Variants in LIPA observed in about 807,000 individuals in gnomAD.
LIPA encodes the protein lipase A, lysosomal acid type.
LIPA carries 26 observed loss-of-function variants against 40.6 expected under a neutral mutation model. That is an observed-to-expected ratio of 0.64 (90% confidence interval 0.47 to 0.89). The LOEUF is 0.89. LIPA is among the 40% of genes least tolerant of loss of function. The probability of loss-of-function intolerance (pLI) is 0.00; values close to 1 mark genes in which losing one functional copy is unlikely to be tolerated. For missense variants in LIPA, 455 were observed against 479.6 expected (o/e 0.95, Z 0.48); for synonymous variants, 188 against 168.4 (o/e 1.12, Z -0.90).
At chr10:89,344,666 G>A (rs566223446), upstream of LIPA, among the ~76,000 whole-genome samples, 2 of 150,886 alleles carry the variant, frequency 1.3e-5, no homozygotes, top group Non-Finnish European at 2.9e-5. Flanking sequence ...ATTCTGGCTT[G>A]GTAGTGCTCC....
rs1193662639 is a variant in LIPA at position 89,214,335 on chromosome 10, GATAAA to G, written c.*488_*492del. The G allele has an allele frequency of 6.5e-6, 1 of 154,200 alleles. No individual in the cohort carries two copies. The highest frequency in any genetic ancestry group is 2.4e-5 in the African/African-American group (1 of 41,432). 9.6% of individuals were successfully genotyped at this position (154,200 alleles called of 1,614,324 possible). On this transcript the variant is annotated 3_prime_UTR_variant, in exon 10 of 10. Transcript: ENST00000336233. ...CTATGCACCTGCTGCAGGAAAACAT[GATAAA>G]ATGTCATTTAGATCTCTAACTACAA...
chr10:89,338,560 G>A, intron 1 of LIPA: 1 of 1,105,838 alleles, frequency 9.0e-7, no homozygotes. Context: ...CAAATATCTG[G>A]GCATCCTGTG....
intron 2 of LIPA, among the ~76,000 whole-genome samples, chr10:89,361,647 T>C (rs1844022121): frequency 6.6e-6 from 1 of 152,142 alleles, no homozygotes; most frequent in South Asian, 2.1e-4. Context: ...TTTAATCCCT[T>C]TCAGCCAGTA....
At chr10:89,293,070 G>A (rs1291593780) in intron 1 of LIPA, among the ~76,000 whole-genome samples, 1 of 152,054 alleles carries the variant, frequency 6.6e-6, no homozygotes, top group Non-Finnish European at 1.5e-5. Context: ...ATGTGTCAAG[G>A]GCAGGACCTG....
At chr10:89,383,316 C>G in intron 2 of LIPA, 1 of 1,600,728 alleles carries the variant, frequency 6.2e-7, no homozygotes. Context: ...CCTATTTTTA[C>G]AGTGAAGAAT....
Position 89,383,767 on chromosome 10 carries a change from T to C in LIPA, c.61+29024A>G, listed in dbSNP as rs978068691. The C allele has an allele frequency of 3.1e-6, 5 of 1,614,000 alleles. No homozygotes were observed. In the South Asian group the frequency reaches 4.4e-5, roughly 14 times the overall value. ...TGAGGAAGGATGGGCCTTGGCGAAG[T>C]GTGGTGGAAAGAATTATGAACGGGC... On this transcript the variant is annotated intron_variant, in intron 2 of 8. Coordinates refer to the LIPA transcript ENST00000371837.
chr10:89,322,000 A>AT (rs1441958866), intron 1 of LIPA, among the ~76,000 whole-genome samples: 1 of 152,128 alleles, frequency 6.6e-6, no homozygotes, highest in African/African-American at 2.4e-5. Context: ...GTTCTCACTC[A>AT]TAAGTCGGAA....
chr10:89,378,625 C>T (rs144268002), intron 2 of LIPA, among the ~76,000 whole-genome samples: 1 of 152,298 alleles, frequency 6.6e-6, no homozygotes, highest in East Asian at 1.9e-4. Context: ...CCCCAGTGGG[C>T]CAACCCCAGT....
chr10:89,297,965 T>C (rs1843425107), intron 1 of LIPA, among the ~76,000 whole-genome samples: 1 of 152,236 alleles, frequency 6.6e-6, no homozygotes, highest in African/African-American at 2.4e-5. Context: ...CTCTGCACAG[T>C]GCTGCGGGGT....
At chr10:89,364,110 A>G (rs1251056723) in intron 2 of LIPA, among the ~76,000 whole-genome samples, 1 of 152,206 alleles carries the variant, frequency 6.6e-6, no homozygotes, top group Non-Finnish European at 1.5e-5. Context: ...AGGAAGCAAC[A>G]TAAAACTGTT....
upstream of LIPA, among the ~76,000 whole-genome samples, chr10:89,256,761 C>A (rs1290438180): frequency 3.3e-5 from 5 of 152,162 alleles, no homozygotes; most frequent in African/African-American, 1.2e-4. Flanking sequence ...GCAACCCAGG[C>A]AAACTAAATC....
chr10:89,228,697 AT>A (rs1842802952), intron 3 of LIPA, among the ~76,000 whole-genome samples: 1 of 152,176 alleles, frequency 6.6e-6, no homozygotes, highest in South Asian at 2.1e-4. Context: ...TGTTTTTACA[AT>A]TTTTTTCTTA....
At chr10:89,334,473 TTA>T (rs1843699118) in intron 1 of LIPA, among the ~76,000 whole-genome samples, 1 of 100,322 alleles carries the variant, frequency 1.0e-5, no homozygotes. Flanking sequence ...TCTTTTTCTT[TTA>T]TTCTTTTTTT....
chr10:89,305,223 A>G (rs1476540959), intron 1 of LIPA, among the ~76,000 whole-genome samples: 2 of 152,166 alleles, frequency 1.3e-5, no homozygotes, highest in Non-Finnish European at 2.9e-5. Context: ...AAAATTAAGA[A>G]TGGTTGAAAA....
At chr10:89,402,666 C>G in intron 2 of LIPA, 1 of 1,614,188 alleles carries the variant, frequency 6.2e-7, no homozygotes, top group Non-Finnish European at 8.5e-7. Flanking sequence ...GCTTTCAAAT[C>G]CCTTCCGCTA....
intron 1 of LIPA, among the ~76,000 whole-genome samples, chr10:89,271,960 C>T (rs1237955188): frequency 1.3e-5 from 2 of 151,950 alleles, no homozygotes; most frequent in Non-Finnish European, 2.9e-5. Flanking sequence ...GTCTCAGCTA[C>T]TCAGGAGGCT....
At chr10:89,315,154 A>G (rs1355605508) in intron 1 of LIPA, among the ~76,000 whole-genome samples, 1 of 152,240 alleles carries the variant, frequency 6.6e-6, no homozygotes, top group Non-Finnish European at 1.5e-5. Flanking sequence ...ACATGTTTGT[A>G]TCTGTGATAT....
intron 3 of LIPA, 48 bp downstream of exon 3, chr10:89,245,628 C>T (rs759564179): frequency 2.0e-6 from 2 of 978,552 alleles, no homozygotes; most frequent in South Asian, 1.3e-5. Context: ...GTTACTAACA[C>T]AAAACCCAGA....
At chr10:89,353,196 A>G (rs760398035) in intron 2 of LIPA, among the ~76,000 whole-genome samples, 20 of 152,224 alleles carry the variant, frequency 1.3e-4, no homozygotes, top group Non-Finnish European at 2.1e-4. Flanking sequence ...CCATCTCCCA[A>G]TAGAAATACC....
Sources: gnomAD v4.1 joint callset for allele counts (sites outside exome capture counted in the v4.1 genomes callset) on GRCh38, gnomAD v4.1.1 for gene constraint, MANE v1.5 for transcripts, NCBI Gene and HGNC (gene_info 2026-07-23, HGNC 2026-07-21) for gene names.